PPP3R1: variants seen among roughly 807,000 people sequenced by gnomAD.
PPP3R1 encodes calcineurin subunit B type 1.
PPP3R1 carries 5 observed loss-of-function variants against 22.6 expected under a neutral mutation model. The observed-to-expected ratio is 0.22, with a 90% confidence interval of 0.12 to 0.46. The LOEUF is 0.46. Ranked by LOEUF, PPP3R1 falls within the 20% of genes least tolerant of loss-of-function variation. The pLI is 0.99. For missense variants in PPP3R1, 61 were observed against 203.2 expected (o/e 0.30, Z 4.25); for synonymous variants, 56 against 65.2 (o/e 0.86, Z 0.68).
chr2:68,207,893 C>T (rs1327610740), intron 2 of PPP3R1, among the ~76,000 whole-genome samples: 1 of 152,210 alleles, frequency 6.6e-6, no homozygotes, highest in East Asian at 1.9e-4. Context: ...CAGTGGCTCA[C>T]GCCTGCAATG....
intron 4 of PPP3R1, 139 bp downstream of exon 4, chr2:68,187,110 GATTTTC>G (rs1284330356): frequency 3.2e-6 from 2 of 632,292 alleles, no homozygotes; most frequent in Non-Finnish European, 5.1e-6. Context: ...GTCCTAAAAG[GATTTTC>G]ACCAGAATGT....
intron 1 of PPP3R1, among the ~76,000 whole-genome samples, chr2:68,250,390 T>C (rs1300305335): frequency 6.6e-6 from 1 of 152,200 alleles, no homozygotes; most frequent in Non-Finnish European, 1.5e-5. Flanking sequence ...AGAGTTACTA[T>C]TTGGAAACCA....
At chr2:68,183,330 C>T (rs1183751865) in intron 5 of PPP3R1, among the ~76,000 whole-genome samples, 1 of 152,160 alleles carries the variant, frequency 6.6e-6, no homozygotes, top group Non-Finnish European at 1.5e-5. Flanking sequence ...ATATGAAGCC[C>T]TTCTCCCAGC....
chr2:68,198,356 T>TACAC (rs1358703241), intron 2 of PPP3R1, among the ~76,000 whole-genome samples: 5 of 52,386 alleles, frequency 9.5e-5, no homozygotes, highest in South Asian at 6.1e-4. Flanking sequence ...TATATGCATA[T>TACAC]ATATGTACAT....
chr2:68,196,964 A>G (rs556720306), intron 2 of PPP3R1, among the ~76,000 whole-genome samples: 2 of 152,346 alleles, frequency 1.3e-5, no homozygotes, highest in East Asian at 3.9e-4. Context: ...ACCTCAGGTG[A>G]TCTGCCCACC....
At chr2:68,216,832 T>A (rs541101144) in intron 2 of PPP3R1, among the ~76,000 whole-genome samples, 2 of 152,258 alleles carry the variant, frequency 1.3e-5, no homozygotes, top group East Asian at 3.9e-4. Context: ...ACACTGAGAT[T>A]TCAGGGTTTA....
intron 2 of PPP3R1, among the ~76,000 whole-genome samples, chr2:68,193,636 AC>A (rs1418922814): frequency 6.6e-5 from 10 of 152,122 alleles, no homozygotes; most frequent in African/African-American, 2.2e-4. Context: ...CATTACTGGC[AC>A]CTGAGGGGCA....
chr2:68,200,722 C>T (rs1033310723), intron 2 of PPP3R1, among the ~76,000 whole-genome samples: 1 of 152,114 alleles, frequency 6.6e-6, no homozygotes, highest in African/African-American at 2.4e-5. Context: ...ATTTCTATTC[C>T]CCCAACCTGC....
chr2:68,206,921 GACAA>G (rs1412847945), intron 2 of PPP3R1, among the ~76,000 whole-genome samples: 1 of 152,130 alleles, frequency 6.6e-6, no homozygotes, highest in East Asian at 1.9e-4. Flanking sequence ...ATTAAATAAG[GACAA>G]ACAGAGAACA....
At chr2:68,184,867 C>T (rs950777735) in intron 5 of PPP3R1, among the ~76,000 whole-genome samples, 6 of 152,160 alleles carry the variant, frequency 3.9e-5, no homozygotes, top group Admixed American at 6.5e-5. Flanking sequence ...ATGGGACGAT[C>T]GCTTGAAGCT....
intron 1 of PPP3R1, 37 bp from the exon 2 acceptor site, chr2:68,217,168 G>A: frequency 1.4e-6 from 2 of 1,476,346 alleles, no homozygotes; most frequent in Middle Eastern, 1.7e-4. Flanking sequence ...TCATAAAATA[G>A]GCACAAATTT....
intron 2 of PPP3R1, among the ~76,000 whole-genome samples, chr2:68,207,455 C>T (rs1280500046): frequency 6.6e-6 from 1 of 152,142 alleles, no homozygotes; most frequent in Non-Finnish European, 1.5e-5. Flanking sequence ...TGTATGAAAT[C>T]TTATTTCAAA....
At chr2:68,243,530 A>G (rs533072039) in intron 1 of PPP3R1, among the ~76,000 whole-genome samples, 2 of 152,252 alleles carry the variant, frequency 1.3e-5, no homozygotes, top group Non-Finnish European at 2.9e-5. Flanking sequence ...TTCAGAAGCT[A>G]TTTTCTCTTT....
chr2:68,225,674 G>A (rs571325287), intron 1 of PPP3R1, among the ~76,000 whole-genome samples: 6 of 152,310 alleles, frequency 3.9e-5, no homozygotes, highest in African/African-American at 1.4e-4. Flanking sequence ...CACAGCAACA[G>A]AAAACTAATA....
chr2:68,197,333 C>T (rs1264573009), intron 2 of PPP3R1, among the ~76,000 whole-genome samples: 1 of 152,160 alleles, frequency 6.6e-6, no homozygotes, highest in Non-Finnish European at 1.5e-5. Flanking sequence ...AAGTTTTTGA[C>T]ACTAATCCAT....
At chr2:68,225,558 T>A (rs1053342268) in intron 1 of PPP3R1, among the ~76,000 whole-genome samples, 1 of 152,232 alleles carries the variant, frequency 6.6e-6, no homozygotes, top group African/African-American at 2.4e-5. Flanking sequence ...AGCCTTGTGA[T>A]ACTCTGAAGG....
intron 1 of PPP3R1, among the ~76,000 whole-genome samples, chr2:68,223,102 A>T (rs1353034678): frequency 1.3e-5 from 2 of 152,228 alleles, no homozygotes; most frequent in Non-Finnish European, 2.9e-5. Flanking sequence ...TATCACAAAA[A>T]AAGAAAACTA....
At chr2:68,220,199 C>G (rs994197974) in intron 1 of PPP3R1, among the ~76,000 whole-genome samples, 1 of 152,130 alleles carries the variant, frequency 6.6e-6, no homozygotes. Context: ...AACACAATCC[C>G]GAGACATCGC....
chr2:68,201,273 T>C (rs1001000613), intron 2 of PPP3R1, among the ~76,000 whole-genome samples: 4 of 152,214 alleles, frequency 2.6e-5, no homozygotes, highest in African/African-American at 9.6e-5. Flanking sequence ...AAAAATTATA[T>C]TTCCACAAAA....
Sources: allele counts gnomAD v4.1 joint callset (sites outside exome capture counted in the v4.1 genomes callset), GRCh38; gene constraint gnomAD v4.1.1; transcripts MANE v1.5; gene names NCBI Gene and HGNC (gene_info 2026-07-23, HGNC 2026-07-21).